ECEL1: variants seen among roughly 807,000 people sequenced by gnomAD.
ECEL1 encodes endothelin-converting enzyme-like 1.
ECEL1 carries 87 observed loss-of-function variants against 101.8 expected under a neutral mutation model. The observed-to-expected ratio is 0.85, with a 90% CI of 0.72 to 1.02. The LOEUF is 1.02. ECEL1 is among the 50% of genes least tolerant of loss of function. The pLI is 0.00. For synonymous variants in ECEL1, 487 were observed against 468.7 expected, an observed-to-expected ratio of 1.04 and a Z score of -0.50; for missense variants, 1,032 against 1,079.2, an observed-to-expected ratio of 0.96 and a Z score of 0.61.
Position 232,480,063 on chromosome 2 carries a change from G to T in ECEL1, c.*90C>A. 1 of 1,310,200 alleles carries T rather than the reference G, an allele frequency of 7.6e-7. No individual in the cohort carries two copies. The highest frequency in any genetic ancestry group is 1.1e-6 in the Non-Finnish European group (1 of 926,128). 81.2% of individuals were successfully genotyped at this position (1,310,200 alleles called of 1,614,324 possible). A position where few individuals can be genotyped will look rare whatever the true frequency, so the allele number is the denominator to read the frequency against. On this transcript the variant is annotated 3_prime_UTR_variant, in exon 18 of 18. Transcript: ENST00000304546. ...CTGGAAGGCAGGTGGTGCCCAGAGC[G>T]GGGCTGGCACCGGGTGCATGCCTGC...
chr2:232,481,161 C>G lies in ECEL1; in HGVS notation c.1990-5G>C. 4 of 1,561,760 alleles carry G rather than the reference C, an allele frequency of 2.6e-6. No individual in the cohort carries two copies. The highest frequency in any genetic ancestry group is 3.5e-6 in the Non-Finnish European group (4 of 1,152,902). ...AAGCGTGTGTTTCCCGTTCACCTGC[C>G]GGGAAGGGAAGAGGCCAGGGGGCTG... On this transcript the variant is annotated splice_polypyrimidine_tract_variant and splice_region_variant and intron_variant, in intron 14 of 17. Transcript: ENST00000304546.
In ECEL1 at chr2:232,480,753, T is replaced by C. The variant is rs765977525; in HGVS notation, c.2116A>G (p.Thr706Ala). 3 of 1,614,076 alleles carry C rather than the reference T, an allele frequency of 1.9e-6. No individual in the cohort carries two copies. Among genetic ancestry groups the C allele is most frequent in the Admixed American group, 3.3e-5 (2 of 60,018 alleles). Residue 706 changes from threonine (T) to alanine (A), a missense_variant, in exon 16 of 18, where the codon ACA (threonine) becomes GCA (alanine). Transcript: ENST00000304546. ...GCAATGAAGAAGAGCTGGTCATGTG[T>C]GTACTTGAGCCGGGGAAGTGGGTGC... ...PEHPLPRLKYTHDQLFFIAFA... is the reference protein window; with the variant it reads ...PEHPLPRLKYAHDQLFFIAFA...
At chr2:232,485,830 C>T in intron 2 of ECEL1, 38 bp downstream of exon 2, 1 of 1,536,672 alleles carries the variant, frequency 6.5e-7, no homozygotes, top group Non-Finnish European at 8.7e-7. Flanking sequence ...CGCCCCGGAT[C>T]CGCGGCCGCT....
Position 232,479,930 on chromosome 2 carries a change from T to A in ECEL1, c.*223A>T. 1.7e-6 allele frequency: 1 copy of A among 586,786 alleles called. No individual in the cohort carries two copies. The highest frequency in any genetic ancestry group is 3.0e-6 in the Non-Finnish European group (1 of 328,486). 36.3% of individuals were successfully genotyped at this position (586,786 alleles called of 1,614,324 possible). A position where few individuals can be genotyped will look rare whatever the true frequency, so the allele number is the denominator to read the frequency against. On this transcript the variant is annotated 3_prime_UTR_variant, in exon 18 of 18. Coordinates refer to ENST00000304546, the MANE Select transcript of ECEL1 (RefSeq NM_004826.4). ...AGGGTCTGGCCCCCTTAGAGCAGAA[T>A]CTGGGGACCCCAGTATATTTCCCTC...
chr2:232,486,667 C>A lies in ECEL1; in HGVS notation c.-14G>T. 2 of 1,516,420 alleles carry A rather than the reference C, an allele frequency of 1.3e-6. No homozygotes were observed. Among genetic ancestry groups the A allele is most frequent in the Non-Finnish European group, 1.7e-6 (2 of 1,143,048 alleles). 93.9% of individuals were successfully genotyped at this position (1,516,420 alleles called of 1,614,324 possible). A position where few individuals can be genotyped will look rare whatever the true frequency, so the allele number is the denominator to read the frequency against. On this transcript the variant is annotated 5_prime_UTR_variant, in exon 2 of 18. Transcript: ENST00000304546. ...CGGGGGCTCCATGGCGCCGAGGCCG[C>A]CGCGGTGCAGACCTGGGCCACCTGG...
At position 232,485,264 on chromosome 2, in the gene ECEL1, C is replaced by T. The variant is rs1324588607; in HGVS notation, c.790G>A (p.Asp264Asn). 3.7e-6 allele frequency: 6 copies of T among 1,613,308 alleles called. No homozygotes were observed. The highest frequency in any genetic ancestry group is 5.1e-6 in the Non-Finnish European group (6 of 1,179,964). The change falls in exon 3 of 18, where the codon GAC becomes AAC. Residue 264 changes from aspartate (D) to asparagine (N), a missense_variant. Transcript: ENST00000304546. ...RNSSRYVIRI[D>N]QDGLTLPERT... ...TCTGGCAGGGTGAGCCCATCCTGGT[C>T]AATCTGGGGAGGGAGACAGGGGCCA... is the stretch of plus-strand genomic sequence containing the variant.
At chr2:232,480,888 G>A in intron 15 of ECEL1, 75 bp from the exon 16 acceptor site, 1 of 1,461,616 alleles carries the variant, frequency 6.8e-7, no homozygotes. Context: ...CTCCATCTAG[G>A]TAGCCCTCCC....
At position 232,480,429 on chromosome 2, in the gene ECEL1, A is replaced by G. The variant is rs139624409; in HGVS notation, c.2198T>C (p.Leu733Pro). ...RRSQSIYLQVLTDKHAPEHYR... is the reference protein window; with the variant it reads ...RRSQSIYLQVPTDKHAPEHYR... Reference sequence around the variant, plus strand: ...GTGCTCAGGGGCATGCTTGTCAGTCAGCACCTGCAGGTAGATGGACTGCGA... The same window carrying G: ...GTGCTCAGGGGCATGCTTGTCAGTCGGCACCTGCAGGTAGATGGACTGCGA... Residue 733 changes from leucine to proline, a missense_variant, in exon 17 of 18, where the codon CTG (leucine) becomes CCG (proline). Transcript: ENST00000304546. 2.7e-5 allele frequency: 43 copies of G among 1,613,866 alleles called. No individual in the cohort carries two copies. Among genetic ancestry groups the G allele is most frequent in the Non-Finnish European group, 3.6e-5 (42 of 1,179,996 alleles).
intron 12 of ECEL1, 99 bp from the exon 13 acceptor site, chr2:232,481,948 T>G (rs1690590746): frequency 6.5e-7 from 1 of 1,529,146 alleles, no homozygotes; most frequent in Non-Finnish European, 8.9e-7. Context: ...GGCCAGGAGG[T>G]GGCACAGGGA....
chr2:232,484,102 C>G lies in ECEL1; in HGVS notation c.1306G>C (p.Glu436Gln). ...QEMEGSDKPQ[E>Q]LARVCLGQAN... Reference sequence around the variant, plus strand: ...TGGCCCAAGCAGACCCGGGCCAGCTCCTGTGGCTTGTCGCTGCCCTCCATC... The same window carrying G: ...TGGCCCAAGCAGACCCGGGCCAGCTGCTGTGGCTTGTCGCTGCCCTCCATC... Residue 436 changes from glutamate to glutamine, a missense_variant, in exon 7 of 18, where the codon GAG (glutamate) becomes CAG (glutamine). Glu to Gln is a conservative substitution (Grantham distance 29). Transcript: ENST00000304546. 2.5e-6 allele frequency: 4 copies of G among 1,613,810 alleles called. No homozygotes were observed. Among genetic ancestry groups the G allele is most frequent in the Non-Finnish European group, 3.4e-6 (4 of 1,180,026 alleles).
At position 232,481,161 on chromosome 2, in the gene ECEL1, C is replaced by T. The variant is rs770091863; in HGVS notation, c.1990-5G>A. On this transcript the variant is annotated splice_polypyrimidine_tract_variant and splice_region_variant and intron_variant, in intron 14 of 17. Transcript: ENST00000304546. ...AAGCGTGTGTTTCCCGTTCACCTGC[C>T]GGGAAGGGAAGAGGCCAGGGGGCTG... The T allele has an allele frequency of 1.2e-5, 18 of 1,561,758 alleles. No homozygotes were observed. In the South Asian group the frequency reaches 1.2e-4, roughly 10 times the overall value.
At chr2:232,485,175 C>T (rs770455094) in intron 3 of ECEL1, 24 bp downstream of exon 3, 3 of 1,613,112 alleles carry the variant, frequency 1.9e-6, no homozygotes, top group East Asian at 4.5e-5. Flanking sequence ...GCCTTCCCTG[C>T]CTCCCCATCC....
chr2:232,485,482 C>G (rs949117934), intron 2 of ECEL1, among the ~76,000 whole-genome samples: 2 of 152,224 alleles, frequency 1.3e-5, no homozygotes, highest in African/African-American at 4.8e-5. Context: ...TACCCCTGTA[C>G]GTCTGCACTT....
In ECEL1 at chr2:232,482,553, T is replaced by G. The variant is rs1248728943; in HGVS notation, c.1741A>C (p.Met581Leu). 2 of 1,613,712 alleles carry G rather than the reference T, an allele frequency of 1.2e-6. No individual in the cohort carries two copies. Reference protein sequence around the residue: ...NAYYLPNKNQMVFPAGILQPT... With the variant: ...NAYYLPNKNQLVFPAGILQPT... The stretch of plus-strand genomic sequence containing the variant: ...GCGTAGGGACACATCCCCTTACCCA[T>G]CTGGTTCTTGTTGGGTAGATAGTAG... The change falls in exon 11 of 18, where the codon ATG becomes CTG. Residue 581 changes from methionine (M) to leucine (L), a missense_variant. Transcript: ENST00000304546.
In ECEL1 at chr2:232,481,043, GC is replaced by G; in HGVS notation, c.2055+47del. On this transcript the variant is annotated intron_variant, in intron 15 of 17. Coordinates refer to ENST00000304546, the MANE Select transcript of ECEL1 (RefSeq NM_004826.4). ...TGTCCCTCATCTGGAGTCCTCATCAGCCCCCGTCCCTCCTGCAGCAGGGGTG... is the reference window on the plus strand; with the variant it reads ...TGTCCCTCATCTGGAGTCCTCATCAGCCCCGTCCCTCCTGCAGCAGGGGTG... The G allele has an allele frequency of 3.9e-6, 6 of 1,546,654 alleles. No individual in the cohort carries two copies. In the South Asian group the frequency reaches 6.0e-5, roughly 15 times the overall value.
At position 232,487,804 on chromosome 2, in the gene ECEL1, C is replaced by T. The variant is rs1266750035; in HGVS notation, c.-187G>A. On this transcript the variant is annotated 5_prime_UTR_variant, in exon 1 of 18. Coordinates refer to ENST00000304546, the MANE Select transcript of ECEL1 (RefSeq NM_004826.4). ...AGCCGCAGCGCAGCCGAGCGGGCGT[C>T]CGGTGTCTCCCAGCGCCCGCCGCCT... is the stretch of plus-strand genomic sequence containing the variant. 1.3e-5 allele frequency: 2 copies of T among 149,128 alleles called. No individual in the cohort carries two copies. Among genetic ancestry groups the T allele is most frequent in the African/African-American group, 4.9e-5 (2 of 41,070 alleles). 9.2% of individuals were successfully genotyped at this position (149,128 alleles called of 1,614,324 possible).
chr2:232,482,757 C>T (rs1559274192), intron 10 of ECEL1, 94 bp downstream of exon 10: 4 of 1,530,456 alleles, frequency 2.6e-6, no homozygotes, highest in African/African-American at 1.4e-5. Context: ...GTGTGCCCCC[C>T]ATATCTGCAT....
At chr2:232,483,551 A>G in intron 7 of ECEL1, 37 bp from the exon 8 acceptor site, 1 of 1,558,212 alleles carries the variant, frequency 6.4e-7, no homozygotes, top group Non-Finnish European at 8.7e-7. Context: ...GGGTCAACCC[A>G]GCAGCCTGGT....
Position 232,483,178 on chromosome 2 carries a change from A to G in ECEL1, c.1508T>C (p.Leu503Pro). ...AETRAAARAKLQYMMVMVGYP... is the reference protein window; with the variant it reads ...AETRAAARAKPQYMMVMVGYP... ...GCCGACCATCACCATCATGTACTGG[A>G]GCTGCGGGCCGAGGGCAGGTGAAGG... The change falls in exon 9 of 18, where the codon CTC (leucine) becomes CCC (proline). Residue 503 changes from leucine (L) to proline (P), a missense_variant and splice_region_variant. Leu to Pro is a moderately conservative substitution (Grantham distance 98). Transcript: ENST00000304546. 6.2e-7 allele frequency: 1 copy of G among 1,602,092 alleles called. No homozygotes were observed. Among genetic ancestry groups the G allele is most frequent in the Admixed American group, 1.7e-5 (1 of 57,190 alleles).
Sources: gnomAD v4.1 joint callset for allele counts (sites outside exome capture counted in the v4.1 genomes callset) on GRCh38, gnomAD v4.1.1 for gene constraint, MANE v1.5 for transcripts, NCBI Gene and HGNC (gene_info 2026-07-23, HGNC 2026-07-21) for gene names.